RYR3: variants seen among roughly 807,000 people sequenced by gnomAD.
RYR3 encodes the protein ryanodine receptor 3.
Under a neutral mutation model 584.3 loss-of-function variants are expected in RYR3, and 207 were observed. That is an observed-to-expected ratio of 0.35 (90% CI 0.32 to 0.40). RYR3 has a LOEUF of 0.40. RYR3 is among the 10% of genes least tolerant of loss of function. RYR3 has a pLI of 1.00. For synonymous variants in RYR3, 2,416 were observed against 2,248.5 expected, an observed-to-expected ratio of 1.07 and a Z score of -2.11; for missense variants, 5,616 against 6,089.2, an observed-to-expected ratio of 0.92 and a Z score of 2.59.
intron 43 of RYR3, among the ~76,000 whole-genome samples, chr15:33,711,811 T>A (rs1207691539): frequency 6.6e-6 from 1 of 152,204 alleles, no homozygotes; most frequent in Non-Finnish European, 1.5e-5. Flanking sequence ...AAACTTTCTA[T>A]CATCTTCTTC....
rs2152822329 is a variant in RYR3 at position 33,731,640 on chromosome 15, C to T, written c.7370C>T (p.Ser2457Phe). ...ATATACAGGCTATCCAAGGGACGTT[C>T]CCTCACCAAAGCACAAAGGGACACT... Reference protein sequence around the residue: ...QTIYRLSKGRSLTKAQRDTIE... With the variant: ...QTIYRLSKGRFLTKAQRDTIE... Residue 2457 changes from serine (S) to phenylalanine (F), a missense_variant, in exon 48 of 104, where the codon TCC becomes TTC. By Grantham distance (155) the Ser-to-Phe change is radical (BLOSUM62 -2). Around this residue, in one of 9 missense-constraint regions of RYR3, gnomAD observed 1,280 missense variants for 1,426.2 expected, o/e 0.90. Coordinates refer to ENST00000634891, the MANE Select transcript of RYR3 (RefSeq NM_001036.6). The T allele has an allele frequency of 6.2e-7, 1 of 1,613,820 alleles. No homozygotes were observed. The highest frequency in any genetic ancestry group is 2.2e-5 in the East Asian group (1 of 44,886).
chr15:33,493,004 T>C (rs2051103246), intron 2 of RYR3, among the ~76,000 whole-genome samples: 1 of 152,074 alleles, frequency 6.6e-6, no homozygotes, highest in Non-Finnish European at 1.5e-5. Flanking sequence ...GGGAGGAGGG[T>C]GTAAGTGGAA....
chr15:33,523,716 A>G (rs933753940), intron 3 of RYR3, among the ~76,000 whole-genome samples: 1 of 152,142 alleles, frequency 6.6e-6, no homozygotes, highest in African/African-American at 2.4e-5. Context: ...CCAAGTCCCC[A>G]AAAACAAGAA....
intron 38 of RYR3, among the ~76,000 whole-genome samples, chr15:33,683,825 A>T (rs545517692): frequency 6.6e-6 from 1 of 152,376 alleles, no homozygotes; most frequent in Non-Finnish European, 1.5e-5. Context: ...GCAGACAAGG[A>T]GATTCTCTCC....
chr15:33,817,090 A>T, intron 75 of RYR3, 132 bp downstream of exon 75: 1 of 577,026 alleles, frequency 1.7e-6, no homozygotes, highest in Non-Finnish European at 3.1e-6. Context: ...TAACTGTGTA[A>T]GTGCTCAGGG....
Position 33,636,251 on chromosome 15 carries a change from T to A in RYR3, c.3382-125T>A, listed in dbSNP as rs550129190. The A allele has an allele frequency of 2.9e-4, 242 of 841,366 alleles. 1 individual carries two copies. In the African/African-American group the frequency reaches 3.7e-3, roughly 13 times the overall value. 52.1% of individuals were successfully genotyped at this position (841,366 alleles called of 1,614,324 possible). ...GACCACTCCTCCTTGTTGGTTATCCTTGAGTGTCCCCTAGAAATCATGTAA... is the reference window on the plus strand; with the variant it reads ...GACCACTCCTCCTTGTTGGTTATCCATGAGTGTCCCCTAGAAATCATGTAA... On this transcript the variant is annotated intron_variant, in intron 26 of 103. Coordinates refer to ENST00000634891, the MANE Select transcript of RYR3 (RefSeq NM_001036.6).
intron 10 of RYR3, among the ~76,000 whole-genome samples, chr15:33,553,338 C>A (rs2056825124): frequency 6.6e-6 from 1 of 152,150 alleles, no homozygotes; most frequent in African/African-American, 2.4e-5. Flanking sequence ...GTTGCATTAG[C>A]TTGTGACAGT....
chr15:33,722,649 T>C, intron 43 of RYR3, 66 bp from the exon 44 acceptor site: 1 of 1,458,128 alleles, frequency 6.9e-7, no homozygotes, highest in Non-Finnish European at 9.6e-7. Flanking sequence ...CCCAGCCTCA[T>C]CAACTAGAAA....
intron 4 of RYR3, among the ~76,000 whole-genome samples, chr15:33,532,748 A>G (rs1017507158): frequency 3.9e-5 from 6 of 152,192 alleles, no homozygotes; most frequent in Non-Finnish European, 8.8e-5. Flanking sequence ...ACTCATTTCT[A>G]TAACATATAG....
intron 1 of RYR3, among the ~76,000 whole-genome samples, chr15:33,430,574 C>T (rs2141720842): frequency 6.6e-6 from 1 of 152,304 alleles, no homozygotes; most frequent in South Asian, 2.1e-4. Flanking sequence ...GAATTCTGTC[C>T]TCAGTTTCCC....
chr15:33,624,165 A>G (rs2152606206), intron 20 of RYR3, 142 bp downstream of exon 20: 1 of 660,006 alleles, frequency 1.5e-6, no homozygotes, highest in Admixed American at 2.8e-5. Context: ...TACTCCTCAC[A>G]TTTTCACCAT....
At chr15:33,740,856 A>T (rs1354046977) in intron 51 of RYR3, among the ~76,000 whole-genome samples, 5 of 152,254 alleles carry the variant, frequency 3.3e-5, no homozygotes, top group Non-Finnish European at 5.9e-5. Context: ...CTTTGGGACA[A>T]TTAAACACAC....
intron 3 of RYR3, among the ~76,000 whole-genome samples, chr15:33,518,160 A>G (rs2053677293): frequency 6.6e-6 from 1 of 152,190 alleles, no homozygotes; most frequent in Admixed American, 6.5e-5. Flanking sequence ...ACTGTGGGCC[A>G]TCACAAACTG....
At chr15:33,823,456 T>G (rs1008676788) in intron 81 of RYR3, among the ~76,000 whole-genome samples, 1 of 152,222 alleles carries the variant, frequency 6.6e-6, no homozygotes, top group African/African-American at 2.4e-5. Context: ...CTGACTATGA[T>G]TCAGGGCTAT....
intron 2 of RYR3, among the ~76,000 whole-genome samples, chr15:33,493,894 G>T (rs1247974993): frequency 6.6e-6 from 1 of 152,014 alleles, no homozygotes; most frequent in Non-Finnish European, 1.5e-5. Context: ...TTCAACTTAG[G>T]CAACAGAGAG....
intron 52 of RYR3, among the ~76,000 whole-genome samples, chr15:33,743,822 A>C (rs879879823): frequency 2.0e-5 from 3 of 152,238 alleles, no homozygotes; most frequent in Non-Finnish European, 4.4e-5. Context: ...TTCATACTGC[A>C]AGCAAGTCAG....
intron 3 of RYR3, among the ~76,000 whole-genome samples, chr15:33,517,907 G>C (rs1309830302): frequency 6.6e-6 from 1 of 152,108 alleles, no homozygotes; most frequent in Non-Finnish European, 1.5e-5. Context: ...AATAGAATGA[G>C]ACTTTATTAT....
intron 87 of RYR3, 45 bp from the exon 88 acceptor site, chr15:33,836,861 C>A: frequency 1.3e-6 from 2 of 1,515,184 alleles, no homozygotes; most frequent in Non-Finnish European, 1.8e-6. Context: ...CTGTACTTTA[C>A]TGAGGGATCA....
intron 32 of RYR3, among the ~76,000 whole-genome samples, chr15:33,654,120 G>T (rs1330839979): frequency 1.3e-5 from 2 of 152,126 alleles, no homozygotes; most frequent in East Asian, 3.9e-4. Context: ...GACAGAGAAC[G>T]CTGTACGAGT....
Sources: gnomAD v4.1 joint callset for allele counts (sites outside exome capture counted in the v4.1 genomes callset) on GRCh38, gnomAD v4.1.1 for gene constraint, gnomAD v4.1.1 regional missense constraint, MANE v1.5 for transcripts, NCBI Gene and HGNC (gene_info 2026-07-23, HGNC 2026-07-21) for gene names.